MGLL: variants seen among roughly 807,000 people sequenced by gnomAD.
MGLL encodes the protein lysophospholipase homolog.
In MGLL, 7 loss-of-function variants were observed where a neutral mutation model predicts 29.1. That is an observed-to-expected ratio of 0.24 (90% confidence interval 0.14 to 0.45). MGLL has a LOEUF of 0.45. Among genes scored for constraint, MGLL ranks in the 20% least tolerant of loss-of-function variants. The pLI, the probability that MGLL is intolerant of heterozygous loss-of-function variation, is 0.99. For missense variants in MGLL, 356 were observed against 413.6 expected (o/e 0.86, Z 1.21); for synonymous variants, 148 against 168.3 (o/e 0.88, Z 0.93).
Position 127,713,663 on chromosome 3 carries a change from G to C in MGLL, c.511-2998C>G, listed in dbSNP as rs185237277. On this transcript the variant is annotated intron_variant, in intron 5 of 7. Coordinates refer to ENST00000265052, the MANE Select transcript of MGLL (RefSeq NM_007283.7). ...CAGATTTCTCATTGTGCCACCATTT[G>C]TGTTTTGGGGACCCATCACCTGATT... 3.3e-5 allele frequency: 5 copies of C among 152,414 alleles called. No homozygotes were observed. In the East Asian group the frequency reaches 9.6e-4, roughly 29 times the overall value. 9.4% of individuals were successfully genotyped at this position (152,414 alleles called of 1,614,324 possible). A position where few individuals can be genotyped will look rare whatever the true frequency, so the allele number is the denominator to read the frequency against.
Position 127,735,731 on chromosome 3 carries a change from T to A in MGLL, c.263-13165A>T, listed in dbSNP as rs778467881. The A allele has an allele frequency of 9.4e-6, 15 of 1,598,102 alleles. No homozygotes were observed. In the African/African-American group the frequency reaches 1.7e-4, roughly 18 times the overall value. Reference sequence around the variant, plus strand: ...TGGCAAAAGGTGGGTTTCCAGCACGTGCTCGCTCCCCGCCTTCTCCCATTC... The same window carrying A: ...TGGCAAAAGGTGGGTTTCCAGCACGAGCTCGCTCCCCGCCTTCTCCCATTC... On this transcript the variant is annotated intron_variant, in intron 3 of 7. Coordinates refer to ENST00000265052, the MANE Select transcript of MGLL (RefSeq NM_007283.7).
At chr3:127,764,248 A>G (rs982252777) in intron 3 of MGLL, among the ~76,000 whole-genome samples, 6 of 152,212 alleles carry the variant, frequency 3.9e-5, no homozygotes, top group Non-Finnish European at 5.9e-5. Context: ...CTGGGGTTCT[A>G]GGAAGCCTAA....
intron 2 of MGLL, among the ~76,000 whole-genome samples, chr3:127,796,957 C>T (rs780732454): frequency 2.0e-5 from 3 of 152,084 alleles, no homozygotes; most frequent in African/African-American, 4.8e-5. Flanking sequence ...CACATTCCCC[C>T]GGGGCGACTG....
At chr3:127,724,525 G>A (rs2075995385) in intron 3 of MGLL, among the ~76,000 whole-genome samples, 2 of 152,206 alleles carry the variant, frequency 1.3e-5, no homozygotes, top group South Asian at 4.1e-4. Context: ...TGTGAATATG[G>A]GTGTGCAAAT....
At chr3:127,820,131 G>A (rs1171196129) in intron 2 of MGLL, among the ~76,000 whole-genome samples, 1 of 152,054 alleles carries the variant, frequency 6.6e-6, no homozygotes, top group African/African-American at 2.4e-5. Flanking sequence ...CAAATTCTGG[G>A]GCCGAACTGC....
At chr3:127,744,856 G>A (rs949363799) in intron 3 of MGLL, among the ~76,000 whole-genome samples, 6 of 152,198 alleles carry the variant, frequency 3.9e-5, no homozygotes, top group Non-Finnish European at 7.3e-5. Flanking sequence ...GTCAAATTAG[G>A]TAAATTCCTG....
intron 2 of MGLL, among the ~76,000 whole-genome samples, chr3:127,787,919 G>A (rs1486716816): frequency 6.6e-6 from 1 of 152,234 alleles, no homozygotes; most frequent in African/African-American, 2.4e-5. Flanking sequence ...AGGAGAGCAT[G>A]ATGGCTCTGT....
chr3:127,817,251 G>A (rs939030412), intron 2 of MGLL, among the ~76,000 whole-genome samples: 1 of 152,256 alleles, frequency 6.6e-6, no homozygotes, highest in African/African-American at 2.4e-5. Context: ...CTTACTGGAG[G>A]TGTGAGGGCA....
chr3:127,743,815 T>G (rs913106026), intron 3 of MGLL, among the ~76,000 whole-genome samples: 1 of 152,186 alleles, frequency 6.6e-6, no homozygotes, highest in Non-Finnish European at 1.5e-5. Flanking sequence ...CTTGTTGGCC[T>G]GGAAAACAGT....
intron 6 of MGLL, among the ~76,000 whole-genome samples, chr3:127,701,215 C>CATAAAAAAA (rs2075475339): frequency 5.3e-5 from 3 of 56,442 alleles, no homozygotes; most frequent in Admixed American, 2.1e-4. Flanking sequence ...ACCCTGCCTC[C>CATAAAAAAA]AAAAAAAAAA....
At chr3:127,735,706 T>C in intron 3 of MGLL, 2 of 1,597,672 alleles carry the variant, frequency 1.3e-6, no homozygotes, top group Non-Finnish European at 1.7e-6. Context: ...TGAACATACC[T>C]GGCAAAAGGT....
intron 5 of MGLL, among the ~76,000 whole-genome samples, chr3:127,714,768 T>A (rs1368812804): frequency 6.6e-6 from 1 of 152,132 alleles, no homozygotes; most frequent in Non-Finnish European, 1.5e-5. Flanking sequence ...CCCGGGTGGA[T>A]ACACCATTCA....
In MGLL at chr3:127,822,462, G is replaced by C; in HGVS notation, c.-144C>G. The C allele has an allele frequency of 1.2e-6, 1 of 825,770 alleles. No homozygotes were observed. The allele number at this position is 825,770 out of a possible 1,614,324, so 51.2% of individuals were successfully genotyped here. ...TTCCCGCACCCAGACCCTGCCTTTC[G>C]GGCTGGGGCGCTCAGCCGGGAGCCT... is the stretch of plus-strand genomic sequence containing the variant. On this transcript the variant is annotated 5_prime_UTR_variant, in exon 1 of 8. Transcript: ENST00000265052.
intron 5 of MGLL, chr3:127,710,934 C>G (rs574092795): frequency 8.1e-6 from 4 of 493,806 alleles, no homozygotes; most frequent in South Asian, 2.0e-5. Context: ...GAATTTTGCC[C>G]GCTCTATACC....
In MGLL at chr3:127,696,396, CTTTTTTTTTTTTTTTTTTTT is replaced by C. The variant is rs545853423; in HGVS notation, c.601-1226_601-1207del. Among the ~76,000 whole-genome samples the C allele has an allele frequency of 2.6e-4, 13 of 49,350 alleles. 1 individual carries two copies. The Admixed American group carries it at 2.8e-3, about 11-fold the overall frequency. The allele number at this position is 49,350 out of a possible 152,430, so 32.4% of individuals were successfully genotyped here. ...GGGCAGGAGTGAGCCCCTGATGCTT[CTTTTTTTTTTTTTTTTTTTT>C]TTTTTTTTTTTTTTTGAGACGGAGT... On this transcript the variant is annotated intron_variant, in intron 6 of 7. Transcript: ENST00000265052.
intron 3 of MGLL, among the ~76,000 whole-genome samples, chr3:127,723,647 T>C (rs1011306174): frequency 2.0e-5 from 3 of 152,214 alleles, no homozygotes; most frequent in African/African-American, 7.2e-5. Flanking sequence ...TCTGAGCTTT[T>C]TTCTCTTTTA....
At chr3:127,750,022 G>A (rs1234441790) in intron 3 of MGLL, among the ~76,000 whole-genome samples, 1 of 152,156 alleles carries the variant, frequency 6.6e-6, no homozygotes, top group Non-Finnish European at 1.5e-5. Flanking sequence ...GGTCACGGGG[G>A]CCTTGTAGGC....
At chr3:127,741,871 A>AT (rs1292126174) in intron 3 of MGLL, among the ~76,000 whole-genome samples, 1 of 152,114 alleles carries the variant, frequency 6.6e-6, no homozygotes, top group Non-Finnish European at 1.5e-5. Flanking sequence ...ATAATCTGTG[A>AT]TTTTTTTGCA....
At chr3:127,742,268 A>G (rs1326282866) in intron 3 of MGLL, among the ~76,000 whole-genome samples, 1 of 152,128 alleles carries the variant, frequency 6.6e-6, no homozygotes, top group Admixed American at 6.6e-5. Flanking sequence ...CCTTCTTTCT[A>G]CTGTAGTACT....
Sources: allele counts gnomAD v4.1 joint callset (sites outside exome capture counted in the v4.1 genomes callset), GRCh38; gene constraint gnomAD v4.1.1; transcripts MANE v1.5; gene names NCBI Gene and HGNC (gene_info 2026-07-23, HGNC 2026-07-21).